The following FAM24B variants were observed in gnomAD, a reference collection of about 807,000 sequenced individuals.
FAM24B encodes family with sequence similarity 24 member B.
In FAM24B, 3 loss-of-function variants were observed where a neutral mutation model predicts 2.3. The observed-to-expected ratio is 1.29, with a 90% confidence interval of 0.59 to 3.32. The LOEUF (loss-of-function observed/expected upper bound fraction) is 3.32, where lower values mean the gene tolerates loss of function less well. Among genes scored for constraint, FAM24B ranks in the 30% most tolerant of loss-of-function variants. The probability of loss-of-function intolerance (pLI) is 0.03; values close to 1 mark genes in which losing one functional copy is unlikely to be tolerated. For synonymous variants in FAM24B, 36 were observed against 46.3 expected (o/e 0.78, Z 0.90); for missense variants, 98 against 117.2 (o/e 0.84, Z 0.76).
intron 3 of FAM24B, 69 bp downstream of exon 3, chr10:122,850,355 G>A: frequency 4.7e-6 from 6 of 1,269,106 alleles, no homozygotes; most frequent in Non-Finnish European, 6.9e-6. Context: ...ATCCCACTGA[G>A]GAAGTGCTAT....
intron 1 of FAM24B, among the ~76,000 whole-genome samples, chr10:122,862,778 A>G (rs1385383384): frequency 6.6e-6 from 1 of 152,112 alleles, no homozygotes; most frequent in Non-Finnish European, 1.5e-5. Flanking sequence ...TGCTCTTTTA[A>G]GGACTATACA....
intron 1 of FAM24B, among the ~76,000 whole-genome samples, chr10:122,875,615 C>A (rs1172042872): frequency 5.3e-5 from 8 of 152,150 alleles, no homozygotes; most frequent in African/African-American, 1.9e-4. Context: ...GTGTCAGAGG[C>A]TTCAATCTAC....
chr10:122,872,182 A>G (rs1349952123), intron 1 of FAM24B, among the ~76,000 whole-genome samples: 1 of 152,252 alleles, frequency 6.6e-6, no homozygotes, highest in Non-Finnish European at 1.5e-5. Context: ...AACACATGAA[A>G]AAATGCTCAT....
intron 1 of FAM24B, among the ~76,000 whole-genome samples, chr10:122,875,790 A>G (rs1215347404): frequency 6.6e-6 from 1 of 152,058 alleles, no homozygotes; most frequent in Non-Finnish European, 1.5e-5. Flanking sequence ...CGGCTTGCCG[A>G]TAAGATCTCA....
intron 1 of FAM24B, among the ~76,000 whole-genome samples, chr10:122,864,917 C>T (rs775538011): frequency 2.0e-5 from 3 of 152,146 alleles, no homozygotes; most frequent in Non-Finnish European, 4.4e-5. Flanking sequence ...ATTTTTATCA[C>T]GGAATAATAT....
intron 1 of FAM24B, among the ~76,000 whole-genome samples, chr10:122,872,416 C>T (rs1847912159): frequency 6.6e-6 from 1 of 152,200 alleles, no homozygotes; most frequent in South Asian, 2.1e-4. Flanking sequence ...TACCATTTGA[C>T]CCAGCCATCC....
intron 2 of FAM24B, among the ~76,000 whole-genome samples, chr10:122,851,274 A>C (rs1847529948): frequency 6.6e-6 from 1 of 152,258 alleles, no homozygotes; most frequent in Non-Finnish European, 1.5e-5. Flanking sequence ...ACAGTAAAAA[A>C]AAATTACAAT....
chr10:122,871,432 A>C (rs1847896367), intron 1 of FAM24B, among the ~76,000 whole-genome samples: 1 of 152,068 alleles, frequency 6.6e-6, no homozygotes, highest in Admixed American at 6.6e-5. Flanking sequence ...ATTGGAAAAA[A>C]CTACTTAAAA....
intron 1 of FAM24B, among the ~76,000 whole-genome samples, chr10:122,861,074 T>C (rs1399091146): frequency 6.6e-6 from 1 of 152,196 alleles, no homozygotes; most frequent in Admixed American, 6.5e-5. Context: ...GATTACATTT[T>C]TGTTGTCATA....
At chr10:122,869,090 T>C (rs1313382522) in intron 1 of FAM24B, among the ~76,000 whole-genome samples, 1 of 151,790 alleles carries the variant, frequency 6.6e-6, no homozygotes, top group East Asian at 1.9e-4. Context: ...TGGAGGAAGA[T>C]CTACCAAGCA....
At chr10:122,872,877 G>A (rs1341210559) in intron 1 of FAM24B, among the ~76,000 whole-genome samples, 1 of 152,080 alleles carries the variant, frequency 6.6e-6, no homozygotes, top group Non-Finnish European at 1.5e-5. Flanking sequence ...CATGGCACAT[G>A]TATACGTATG....
chr10:122,853,063 T>G (rs536278984), intron 2 of FAM24B, among the ~76,000 whole-genome samples: 26 of 152,308 alleles, frequency 1.7e-4, no homozygotes, highest in African/African-American at 5.5e-4. Flanking sequence ...GCTATTACTT[T>G]GATCCCAAGG....
chr10:122,852,811 G>A (rs187047869), intron 2 of FAM24B, among the ~76,000 whole-genome samples: 10 of 152,278 alleles, frequency 6.6e-5, no homozygotes, highest in East Asian at 5.8e-4. Flanking sequence ...CTCAGTCTTC[G>A]CTGGTGGAGT....
chr10:122,877,734 CTG>C (rs1847998675), intron 1 of FAM24B, among the ~76,000 whole-genome samples: 1 of 152,316 alleles, frequency 6.6e-6, no homozygotes, highest in African/African-American at 2.4e-5. Flanking sequence ...CAAGGCAAGA[CTG>C]GGGATGGATT....
At chr10:122,867,346 G>C (rs1847818859) in intron 1 of FAM24B, among the ~76,000 whole-genome samples, 1 of 152,214 alleles carries the variant, frequency 6.6e-6, no homozygotes, top group Non-Finnish European at 1.5e-5. Flanking sequence ...GCCTGCCTCT[G>C]TAGGCTCCAC....
intron 1 of FAM24B, among the ~76,000 whole-genome samples, chr10:122,872,838 A>G (rs1034419334): frequency 1.1e-4 from 16 of 152,180 alleles, no homozygotes; most frequent in Non-Finnish European, 1.9e-4. Context: ...CTAATGTTAA[A>G]TGACGAGTTA....
chr10:122,853,675 A>C (rs957636963), intron 2 of FAM24B, among the ~76,000 whole-genome samples: 1 of 152,148 alleles, frequency 6.6e-6, no homozygotes, highest in Non-Finnish European at 1.5e-5. Context: ...GATTGGATTG[A>C]GCTCAGGAGT....
chr10:122,862,367 G>A (rs113911345), intron 1 of FAM24B, among the ~76,000 whole-genome samples: 2,238 of 152,184 alleles, frequency 0.015, 54 homozygotes, highest in African/African-American at 0.045. Flanking sequence ...TCATTTCAAT[G>A]TTCACATTCC....
intron 1 of FAM24B, among the ~76,000 whole-genome samples, chr10:122,856,174 C>T (rs939741415): frequency 4.6e-5 from 7 of 152,004 alleles, no homozygotes; most frequent in African/African-American, 1.7e-4. Context: ...GGATGTCCCT[C>T]ATTGTTAAGT....
Sources: gnomAD v4.1 joint callset for allele counts (sites outside exome capture counted in the v4.1 genomes callset) on GRCh38, gnomAD v4.1.1 for gene constraint, MANE v1.5 for transcripts, NCBI Gene and HGNC (gene_info 2026-07-23, HGNC 2026-07-21) for gene names.